The following DAP variants were observed in gnomAD, a reference collection of about 807,000 sequenced individuals.
DAP encodes the protein death associated protein, also known as death-associated protein 1.
Under a neutral mutation model 13.8 loss-of-function variants are expected in DAP, and 8 were observed. The observed-to-expected ratio is 0.58, with a 90% CI of 0.34 to 1.05. DAP has a LOEUF of 1.05. Ranked by LOEUF, DAP falls within the 50% of genes least tolerant of loss-of-function variation. The pLI is 0.03. For synonymous variants in DAP, 47 were observed against 47.5 expected, an observed-to-expected ratio of 0.99 and a Z score of 0.04; for missense variants, 106 against 133.2, an observed-to-expected ratio of 0.80 and a Z score of 1.01.
At chr5:10,684,463 G>C (rs1324542615) in intron 2 of DAP, among the ~76,000 whole-genome samples, 1 of 152,186 alleles carries the variant, frequency 6.6e-6, no homozygotes, top group Admixed American at 6.5e-5. Flanking sequence ...CAGTACCAAA[G>C]CAGTACAGCT....
intron 2 of DAP, among the ~76,000 whole-genome samples, chr5:10,704,360 A>C (rs1184519742): frequency 2.0e-5 from 3 of 152,162 alleles, no homozygotes; most frequent in African/African-American, 7.2e-5. Context: ...TCAGTGTGAA[A>C]ACATAAAGCC....
chr5:10,711,815 A>G (rs1189442666), intron 2 of DAP, among the ~76,000 whole-genome samples: 1 of 152,222 alleles, frequency 6.6e-6, no homozygotes, highest in Non-Finnish European at 1.5e-5. Flanking sequence ...TCATTGAAAA[A>G]TGACATGTGT....
chr5:10,723,105 A>T (rs1739201080), intron 2 of DAP, among the ~76,000 whole-genome samples: 1 of 152,202 alleles, frequency 6.6e-6, no homozygotes, highest in South Asian at 2.1e-4. Context: ...GTATTTTGCC[A>T]TGTCTCCTCC....
chr5:10,759,368 C>T (rs944465674), intron 1 of DAP, among the ~76,000 whole-genome samples: 2 of 152,124 alleles, frequency 1.3e-5, no homozygotes, highest in Non-Finnish European at 2.9e-5. Context: ...AATCAAGGCG[C>T]TCCTCCCCAC....
At chr5:10,736,059 A>T (rs1487543140) in intron 2 of DAP, among the ~76,000 whole-genome samples, 2 of 152,172 alleles carry the variant, frequency 1.3e-5, no homozygotes, top group Non-Finnish European at 1.5e-5. Context: ...TTGGTCACAG[A>T]CAGGCACACA....
In DAP at chr5:10,739,201, C is replaced by CA. The variant is rs10644743; in HGVS notation, c.152+8973dup. Among the ~76,000 whole-genome samples the CA allele has an allele frequency of 3.8e-3, 275 of 71,546 alleles. 2 individuals are homozygous for CA. In the Middle Eastern group the frequency reaches 0.038, roughly 10 times the overall value. 46.9% of individuals were successfully genotyped at this position (71,546 alleles called of 152,430 possible). A position where few individuals can be genotyped will look rare whatever the true frequency, so the allele number is the denominator to read the frequency against. On this transcript the variant is annotated intron_variant, in intron 2 of 3. Transcript: ENST00000230895. ...TGGGTGACAGAGCAAGACTCTGAAT[C>CA]AAAAAAAAAAAAAAAAAAAAAAAAA...
rs547403099 is a variant in DAP, at chr5:10,719,651, C to T, written c.152+28524G>A. On this transcript the variant is annotated intron_variant, in intron 2 of 3. Coordinates refer to ENST00000230895, the MANE Select transcript of DAP (RefSeq NM_004394.3). Reference sequence around the variant, plus strand: ...ATCTATCCATAAAGTGGGTCATGCACAGCAGCATTCCATCATCGAATGGAA... The same window carrying T: ...ATCTATCCATAAAGTGGGTCATGCATAGCAGCATTCCATCATCGAATGGAA... 1.8e-3 allele frequency among the ~76,000 whole-genome samples: 269 copies of T among 152,314 alleles called. 1 individual carries two copies. Among genetic ancestry groups the T allele is most frequent in the African/African-American group, 6.3e-3 (263 of 41,570 alleles).
chr5:10,716,993 G>A (rs892843446), intron 2 of DAP, among the ~76,000 whole-genome samples: 11 of 152,126 alleles, frequency 7.2e-5, no homozygotes, highest in African/African-American at 2.2e-4. Flanking sequence ...AGTCCTAGGC[G>A]GAAACTGTTT....
chr5:10,685,049 T>C (rs959649134), intron 2 of DAP, among the ~76,000 whole-genome samples: 4 of 152,246 alleles, frequency 2.6e-5, no homozygotes, highest in African/African-American at 9.6e-5. Context: ...GGAATCCACT[T>C]GTCTTAGCTT....
intron 2 of DAP, among the ~76,000 whole-genome samples, chr5:10,706,027 G>A (rs1485560339): frequency 6.6e-6 from 1 of 152,242 alleles, no homozygotes; most frequent in Non-Finnish European, 1.5e-5. Context: ...GGACTGCAGA[G>A]AGCTTAGCTC....
chr5:10,729,955 CCT>C (rs1253019035), intron 2 of DAP, among the ~76,000 whole-genome samples: 2 of 152,202 alleles, frequency 1.3e-5, no homozygotes, highest in African/African-American at 4.8e-5. Flanking sequence ...GTCTTCATTT[CCT>C]CTTTCCACAT....
chr5:10,743,815 A>G (rs1186549505), intron 2 of DAP, among the ~76,000 whole-genome samples: 3 of 152,172 alleles, frequency 2.0e-5, no homozygotes, highest in Non-Finnish European at 4.4e-5. Context: ...GAAGACTATT[A>G]CTCTTCCTGG....
chr5:10,694,248 G>A (rs967661567), intron 2 of DAP, among the ~76,000 whole-genome samples: 3 of 152,164 alleles, frequency 2.0e-5, no homozygotes, highest in Non-Finnish European at 4.4e-5. Flanking sequence ...TAGAGTGTTG[G>A]ATGATCCGGG....
In DAP at chr5:10,685,752, C is replaced by G. The variant is rs371209256; in HGVS notation, c.153-2181G>C. ...GCTGAGGCTCTGAAAGGCGGAAATG[C>G]AGGACATCACCCCACTCCAGAAACT... is the stretch of plus-strand genomic sequence containing the variant. On this transcript the variant is annotated intron_variant, in intron 2 of 3. Transcript: ENST00000230895. Among the ~76,000 whole-genome samples, 30 of 152,290 alleles carry G rather than the reference C, an allele frequency of 2.0e-4. No homozygotes were observed. In the East Asian group the frequency reaches 3.9e-3, roughly 20 times the overall value.
intron 2 of DAP, among the ~76,000 whole-genome samples, chr5:10,690,256 C>T (rs1193368442): frequency 2.6e-5 from 4 of 152,206 alleles, no homozygotes; most frequent in East Asian, 1.9e-4. Context: ...TTCCTAAAGA[C>T]AGTCCAAGCT....
chr5:10,706,880 C>T (rs1459846188), intron 2 of DAP, among the ~76,000 whole-genome samples: 9 of 152,170 alleles, frequency 5.9e-5, no homozygotes, highest in South Asian at 2.1e-4. Flanking sequence ...CCGATGCACA[C>T]GGCATGCTTC....
At chr5:10,691,883 G>A (rs1162277032) in intron 2 of DAP, among the ~76,000 whole-genome samples, 4 of 152,158 alleles carry the variant, frequency 2.6e-5, no homozygotes, top group Non-Finnish European at 4.4e-5. Context: ...TGTCCATCTG[G>A]CAAGGACCAC....
At position 10,743,949 on chromosome 5, in the gene DAP, G is replaced by A. The variant is rs181858119; in HGVS notation, c.152+4226C>T. On this transcript the variant is annotated intron_variant, in intron 2 of 3. Transcript: ENST00000230895. Reference sequence around the variant, plus strand: ...ACAACTTGGTAGCATAAGAAATTACGTTTAAGTCTGTGGAAAGCTACAAGA... The same window carrying A: ...ACAACTTGGTAGCATAAGAAATTACATTTAAGTCTGTGGAAAGCTACAAGA... 7.9e-5 allele frequency among the ~76,000 whole-genome samples: 12 copies of A among 152,234 alleles called. No homozygotes were observed. In the East Asian group the frequency reaches 1.7e-3, roughly 22 times the overall value.
intron 2 of DAP, among the ~76,000 whole-genome samples, chr5:10,722,369 C>T (rs192470188): frequency 2.0e-5 from 3 of 152,154 alleles, no homozygotes; most frequent in African/African-American, 4.8e-5. Flanking sequence ...CCTCGAACAT[C>T]GGACTCCAAG....
Sources: allele counts gnomAD v4.1 joint callset (sites outside exome capture counted in the v4.1 genomes callset), GRCh38; gene constraint gnomAD v4.1.1; transcripts MANE v1.5; gene names NCBI Gene and HGNC (gene_info 2026-07-23, HGNC 2026-07-21).